Variants in LOXL2 observed in about 807,000 individuals in gnomAD.
The protein encoded by LOXL2 is lysyl oxidase homolog 2.
A neutral mutation model predicts 93.0 loss-of-function variants in LOXL2; 70 were observed. That is an observed-to-expected ratio of 0.75 (90% CI 0.62 to 0.92). LOXL2 has a LOEUF of 0.92. Among genes scored for constraint, LOXL2 ranks in the 40% least tolerant of loss-of-function variants. LOXL2 has a pLI of 0.00. For synonymous variants in LOXL2, 438 were observed against 413.2 expected, an observed-to-expected ratio of 1.06 and a Z score of -0.73; for missense variants, 973 against 1,054.9, an observed-to-expected ratio of 0.92 and a Z score of 1.08.
Position 23,296,958 on chromosome 8 carries a change from TG to T in LOXL2, c.*1084del, listed in dbSNP as rs1803038085. Among the ~76,000 whole-genome samples the T allele has an allele frequency of 6.6e-6, 1 of 152,234 alleles. No homozygotes were observed. The highest frequency in any genetic ancestry group is 1.5e-5 in the Non-Finnish European group (1 of 68,044). ...TTATGACTCCTGTTCCGTTACTTTT[TG>T]TGATCTCCTTAGATTGCTTCTCCCA... On this transcript the variant is annotated 3_prime_UTR_variant, in exon 14 of 14. Transcript: ENST00000389131.
chr8:23,386,826 A>G lies in LOXL2; in HGVS notation c.-84+17128T>C, dbSNP rs187695306. Among the ~76,000 whole-genome samples, 3 of 152,272 alleles carry G rather than the reference A, an allele frequency of 2.0e-5. No homozygotes were observed. In the East Asian group the frequency reaches 5.8e-4, roughly 29 times the overall value. ...AGCAGAACATGGGAGAATCAGGCCA[A>G]GGATCTCCGTAGCTCCCTCCACACG... On this transcript the variant is annotated intron_variant, in intron 1 of 13. Transcript: ENST00000389131.
chr8:23,334,494 T>C (rs1803758359), intron 4 of LOXL2, among the ~76,000 whole-genome samples: 2 of 152,256 alleles, frequency 1.3e-5, no homozygotes, highest in African/African-American at 4.8e-5. Flanking sequence ...AAGTACAATC[T>C]GCCTAGCAAT....
At chr8:23,302,920 G>A (rs17760943) in intron 11 of LOXL2, among the ~76,000 whole-genome samples, 30,135 of 152,122 alleles carry the variant, frequency 0.2, 3,830 homozygotes, top group Middle Eastern at 0.29. Context: ...AGGGACACTT[G>A]GCATTGGGAC....
chr8:23,387,427 C>T (rs1804781233), intron 1 of LOXL2, among the ~76,000 whole-genome samples: 1 of 152,182 alleles, frequency 6.6e-6, no homozygotes, highest in African/African-American at 2.4e-5. Context: ...CGGGCACCTC[C>T]CAATGCAGGG....
chr8:23,389,405 A>G (rs1804809037), intron 1 of LOXL2, among the ~76,000 whole-genome samples: 1 of 152,206 alleles, frequency 6.6e-6, no homozygotes, highest in Admixed American at 6.5e-5. Context: ...TATAGAATTC[A>G]CCTGCTTAAT....
chr8:23,367,371 A>G (rs918411184), intron 2 of LOXL2, among the ~76,000 whole-genome samples: 25 of 152,288 alleles, frequency 1.6e-4, no homozygotes, highest in Admixed American at 1.1e-3. Flanking sequence ...AATTTTTAAA[A>G]ATAAACTAAT....
intron 1 of LOXL2, among the ~76,000 whole-genome samples, chr8:23,368,846 A>G (rs920939871): frequency 1.3e-5 from 2 of 152,188 alleles, no homozygotes; most frequent in African/African-American, 4.8e-5. Context: ...TGGCAGAGGG[A>G]GCTGTCTCTT....
intron 8 of LOXL2, among the ~76,000 whole-genome samples, chr8:23,318,946 ACAGT>A (rs1184506648): frequency 6.6e-6 from 1 of 152,158 alleles, no homozygotes; most frequent in African/African-American, 2.4e-5. Context: ...CCCATGGGAG[ACAGT>A]CAGGCTCAGT....
chr8:23,299,902 G>T (rs921506474), intron 12 of LOXL2, among the ~76,000 whole-genome samples: 3 of 152,258 alleles, frequency 2.0e-5, no homozygotes, highest in African/African-American at 7.2e-5. Context: ...CCGGCCCTCT[G>T]CTCTGGCCCA....
At chr8:23,367,913 C>T (rs1441763536) in intron 2 of LOXL2, 84 bp downstream of exon 2, 20 of 1,113,002 alleles carry the variant, frequency 1.8e-5, no homozygotes, top group Non-Finnish European at 2.5e-5. Context: ...TGCGTGCAGC[C>T]TCCTCTCCCA....
Position 23,322,146 on chromosome 8 carries a change from A to G in LOXL2, c.1286T>C (p.Met429Thr), listed in dbSNP as rs1803506732. The G allele has an allele frequency of 2.5e-6, 4 of 1,614,092 alleles. No individual in the cohort carries two copies. Among genetic ancestry groups the G allele is most frequent in the Non-Finnish European group, 3.4e-6 (4 of 1,179,984 alleles). The change falls in exon 7 of 14, where the codon ATG (methionine) becomes ACG (threonine). Residue 429 changes from methionine to threonine, a missense_variant. Met to Thr is a moderately conservative substitution (Grantham distance 81, BLOSUM62 -1). Coordinates refer to ENST00000389131, the MANE Select transcript of LOXL2 (RefSeq NM_002318.3). ...TCCCATCACCTTCTTCTGCAAGCCC[A>G]TGGCAGGGGTGTTGCATCTCACACC... Reference protein sequence around the residue: ...DAGVRCNTPAMGLQKKLRLNG... With the variant: ...DAGVRCNTPATGLQKKLRLNG...
intron 1 of LOXL2, among the ~76,000 whole-genome samples, chr8:23,375,576 G>A (rs1804574378): frequency 6.6e-6 from 1 of 152,222 alleles, no homozygotes; most frequent in Admixed American, 6.5e-5. Flanking sequence ...TCCTATCCAT[G>A]AGCATGGAAT....
chr8:23,352,861 C>T (rs941935754), intron 3 of LOXL2, among the ~76,000 whole-genome samples: 11 of 151,980 alleles, frequency 7.2e-5, no homozygotes, highest in East Asian at 1.9e-4. Context: ...CTTTCACAAA[C>T]GGGAAACTGA....
rs4517130 is a variant in LOXL2, at chr8:23,398,095, T to C, written c.-84+5859A>G. Among the ~76,000 whole-genome samples, 835 of 152,300 alleles carry C rather than the reference T, an allele frequency of 5.5e-3. 7 individuals carry two copies. Among genetic ancestry groups the C allele is most frequent in the African/African-American group, 0.019 (785 of 41,560 alleles). The stretch of plus-strand genomic sequence containing the variant: ...ATGCAGGCACTCTGAAGAGCTATAC[T>C]GTGTTTACCTTGGTACCCCAGTGGT... On this transcript the variant is annotated intron_variant, in intron 1 of 13. Transcript: ENST00000389131.
chr8:23,394,487 T>C (rs1800062618), intron 1 of LOXL2, among the ~76,000 whole-genome samples: 1 of 151,586 alleles, frequency 6.6e-6, no homozygotes, highest in East Asian at 1.9e-4. Flanking sequence ...ACAAATGGCT[T>C]ACAAGCACAT....
At position 23,385,910 on chromosome 8, in the gene LOXL2, TTG is replaced by T. The variant is rs749302707; in HGVS notation, c.-83-17478_-83-17477del. 9.6e-4 allele frequency: 736 copies of T among 764,622 alleles called. 3 individuals carry two copies. The highest frequency in any genetic ancestry group is 4.5e-4 in the Non-Finnish European group (188 of 417,476). The allele number at this position is 764,622 out of a possible 1,614,324, so 47.4% of individuals were successfully genotyped here. A position where few individuals can be genotyped will look rare whatever the true frequency, so the allele number is the denominator to read the frequency against. ...AAGTCTTTGAAATCCAGCACGTACTTTGCGTTTGCAGCGCATCTCAATTCCAA... is the reference window on the plus strand; with the variant it reads ...AAGTCTTTGAAATCCAGCACGTACTTCGTTTGCAGCGCATCTCAATTCCAA... On this transcript the variant is annotated intron_variant, in intron 1 of 13. Coordinates refer to ENST00000389131, the MANE Select transcript of LOXL2 (RefSeq NM_002318.3).
chr8:23,301,667 T>C (rs928701276), intron 12 of LOXL2, among the ~76,000 whole-genome samples: 1 of 152,132 alleles, frequency 6.6e-6, no homozygotes, highest in Non-Finnish European at 1.5e-5. Context: ...ATGGGGATGG[T>C]GGAGACAAGA....
intron 8 of LOXL2, 55 bp downstream of exon 8, chr8:23,319,830 G>A: frequency 6.4e-7 from 1 of 1,572,652 alleles, no homozygotes; most frequent in South Asian, 1.1e-5. Context: ...ACTGAAGACA[G>A]TGTGGTCAGA....
intron 4 of LOXL2, among the ~76,000 whole-genome samples, chr8:23,337,881 G>T (rs1296074930): frequency 6.6e-6 from 1 of 152,180 alleles, no homozygotes; most frequent in Non-Finnish European, 1.5e-5. Flanking sequence ...TCTACTTTTG[G>T]CAAGCCTGTG....
Sources: allele counts gnomAD v4.1 joint callset (sites outside exome capture counted in the v4.1 genomes callset), GRCh38; gene constraint gnomAD v4.1.1; transcripts MANE v1.5; gene names NCBI Gene and HGNC (gene_info 2026-07-23, HGNC 2026-07-21).